WWC2: variants seen among roughly 807,000 people sequenced by gnomAD.
WWC2 encodes protein WWC2.
WWC2 carries 101 observed loss-of-function variants against 138.5 expected under a neutral mutation model. That is an observed-to-expected ratio of 0.73 (90% confidence interval 0.62 to 0.86). The LOEUF is 0.86. Ranked by LOEUF, WWC2 falls within the 40% of genes least tolerant of loss-of-function variation. The pLI is 0.00. For missense variants in WWC2, 1,420 were observed against 1,419.4 expected, an observed-to-expected ratio of 1.00 and a Z score of -0.01; for synonymous variants, 558 against 538.4, an observed-to-expected ratio of 1.04 and a Z score of -0.50.
intron 1 of WWC2, among the ~76,000 whole-genome samples, chr4:183,155,764 T>C (rs1017126418): frequency 1.3e-5 from 2 of 152,186 alleles, no homozygotes; most frequent in African/African-American, 4.8e-5. Context: ...TCCTTTTCTG[T>C]ACGTGAGTGC....
Position 183,265,896 on chromosome 4 carries a change from A to G in WWC2, c.2152A>G (p.Ile718Val), listed in dbSNP as rs1375865071. Residue 718 changes from isoleucine (I) to valine (V), a missense_variant, in exon 14 of 23, where the codon ATT (isoleucine) becomes GTT (valine). Ile to Val is a conservative substitution (Grantham distance 29, BLOSUM62 3). Coordinates refer to ENST00000403733, the MANE Select transcript of WWC2 (RefSeq NM_024949.6). ...YNAKSSSFMVIIAQLRNLHAF... is the reference protein window; with the variant it reads ...YNAKSSSFMVVIAQLRNLHAF... ...TGCAAAAAGTTCAAGTTTCATGGTG[A>G]TTATAGCACAGCTCCGAAACCTTCA... 3 of 1,613,354 alleles carry G rather than the reference A, an allele frequency of 1.9e-6. No individual in the cohort carries two copies. The highest frequency in any genetic ancestry group is 2.5e-6 in the Non-Finnish European group (3 of 1,179,728).
intron 4 of WWC2, among the ~76,000 whole-genome samples, chr4:183,218,197 G>A (rs1266966235): frequency 6.6e-6 from 1 of 152,106 alleles, no homozygotes; most frequent in Non-Finnish European, 1.5e-5. Context: ...GTATAAAAAT[G>A]GGCAAGAGAC....
At chr4:183,150,962 A>G (rs1459466707) in intron 1 of WWC2, among the ~76,000 whole-genome samples, 1 of 152,136 alleles carries the variant, frequency 6.6e-6, no homozygotes, top group Non-Finnish European at 1.5e-5. Context: ...GGTTGGTTCC[A>G]AGTCTTTGCT....
At chr4:183,197,770 A>G (rs1735183201) in intron 2 of WWC2, among the ~76,000 whole-genome samples, 2 of 152,304 alleles carry the variant, frequency 1.3e-5, no homozygotes, top group East Asian at 1.9e-4. Context: ...TTTCATTTAC[A>G]TACACAAAAA....
At chr4:183,308,929 A>T (rs565765339) in intron 21 of WWC2, among the ~76,000 whole-genome samples, 5 of 152,218 alleles carry the variant, frequency 3.3e-5, no homozygotes, top group Admixed American at 6.5e-5. Flanking sequence ...CAGAGGGCTG[A>T]CTATATTCAA....
chr4:183,269,571 C>T lies in WWC2; in HGVS notation c.2400+408C>T, dbSNP rs1411157115. On this transcript the variant is annotated intron_variant, in intron 15 of 22. Coordinates refer to ENST00000403733, the MANE Select transcript of WWC2 (RefSeq NM_024949.6). ...GATTGGTTATGAAATGGATGATTATCCACTATTTTCAGATAAGGAGCTGCT... is the reference window on the plus strand; with the variant it reads ...GATTGGTTATGAAATGGATGATTATTCACTATTTTCAGATAAGGAGCTGCT... 15 of 464,628 alleles carry T rather than the reference C, an allele frequency of 3.2e-5. No homozygotes were observed. The Admixed American group carries it at 3.6e-4, about 11-fold the overall frequency. 28.8% of individuals were successfully genotyped at this position (464,628 alleles called of 1,614,324 possible).
chr4:183,259,551 T>A (rs976299906), intron 9 of WWC2, 88 bp from the exon 10 acceptor site: 22 of 1,037,366 alleles, frequency 2.1e-5, no homozygotes, highest in Admixed American at 2.8e-5. Context: ...CCTTGTGATC[T>A]GTAATGTTTG....
intron 9 of WWC2, among the ~76,000 whole-genome samples, chr4:183,256,411 G>A (rs1259307039): frequency 2.0e-5 from 3 of 152,102 alleles, no homozygotes; most frequent in Non-Finnish European, 4.4e-5. Context: ...TTTTGCTGTT[G>A]CTATTATGGT....
chr4:183,240,409 G>A (rs911712190), intron 5 of WWC2, 147 bp downstream of exon 5: 2 of 537,796 alleles, frequency 3.7e-6, no homozygotes, highest in Non-Finnish European at 6.2e-6. Flanking sequence ...AGAAAATAAA[G>A]CAATCAACCA....
At chr4:183,248,597 A>G (rs1736869901) in intron 6 of WWC2, 117 bp from the exon 7 acceptor site, 3 of 1,105,760 alleles carry the variant, frequency 2.7e-6, no homozygotes, top group Non-Finnish European at 3.7e-6. Flanking sequence ...AGTACCTACT[A>G]AAATAAAGTT....
At chr4:183,162,800 G>A (rs1733999387) in intron 1 of WWC2, among the ~76,000 whole-genome samples, 1 of 152,062 alleles carries the variant, frequency 6.6e-6, no homozygotes, top group African/African-American at 2.4e-5. Context: ...GTTAATCTAG[G>A]TTAGTGGTTA....
chr4:183,249,815 A>G (rs1220822538), intron 7 of WWC2, 105 bp from the exon 8 acceptor site: 8 of 885,506 alleles, frequency 9.0e-6, no homozygotes, highest in African/African-American at 5.1e-5. Context: ...TTTCAGTACC[A>G]TCTTCTTTAA....
intron 21 of WWC2, among the ~76,000 whole-genome samples, chr4:183,290,439 C>T (rs906278527): frequency 6.6e-6 from 1 of 151,272 alleles, no homozygotes; most frequent in Non-Finnish European, 1.5e-5. Flanking sequence ...ATTTCTTAAA[C>T]GTGGGAGGTG....
rs776324290 is a variant in WWC2, at chr4:183,261,545, CTTTGCTTTCATG to C, written c.1909+15_1909+26del. The C allele has an allele frequency of 6.2e-7, 1 of 1,601,808 alleles. No homozygotes were observed. Among genetic ancestry groups the C allele is most frequent in the East Asian group, 2.2e-5 (1 of 44,758 alleles). On this transcript the variant is annotated intron_variant, in intron 11 of 22. Coordinates refer to ENST00000403733, the MANE Select transcript of WWC2 (RefSeq NM_024949.6). The stretch of plus-strand genomic sequence containing the variant: ...GAAGGAACTGCAGGTAAATGCAGCC[CTTTGCTTTCATG>C]TATTCCCTGTTAGTGATTTTAAGGA...
At chr4:183,175,160 T>TA (rs1174665338) in intron 1 of WWC2, among the ~76,000 whole-genome samples, 1 of 152,180 alleles carries the variant, frequency 6.6e-6, no homozygotes, top group Non-Finnish European at 1.5e-5. Context: ...TATGGAAAAT[T>TA]AAAAAAATAG....
rs753205251 is a variant in WWC2, at chr4:183,312,461, T to C, written c.3505T>C (p.Ser1169Pro). Residue 1169 changes from serine (S) to proline (P), a missense_variant, in exon 22 of 23, where the codon TCC (serine) becomes CCC (proline). By Grantham distance (74) the Ser-to-Pro change is moderately conservative (BLOSUM62 -1). Transcript: ENST00000403733. ...QSQKVPRQVQ[S>P]FREKIAYFTR... ...CCAGAAGGTGCCTCGGCAGGTGCAG[T>C]CCTTCAGGTGAATAGCCCCATCCAG... 6.2e-7 allele frequency: 1 copy of C among 1,613,622 alleles called. No individual in the cohort carries two copies. Among genetic ancestry groups the C allele is most frequent in the East Asian group, 2.2e-5 (1 of 44,866 alleles).
At chr4:183,155,217 A>AGC in intron 1 of WWC2, among the ~76,000 whole-genome samples, 1 of 130,578 alleles carries the variant, frequency 7.7e-6, no homozygotes, top group South Asian at 3.1e-4. Flanking sequence ...AGAGAGAGAG[A>AGC]GAGAGAGTTA....
rs764605101 is a variant in WWC2, at chr4:183,240,244, G to C, written c.584G>C (p.Gly195Ala). 51 of 1,552,200 alleles carry C rather than the reference G, an allele frequency of 3.3e-5. No individual in the cohort carries two copies. The highest frequency in any genetic ancestry group is 1.4e-5 in the African/African-American group (1 of 73,084). The change falls in exon 5 of 23, where the codon GGC becomes GCC. Residue 195 changes from glycine to alanine, a missense_variant. Coordinates refer to ENST00000403733, the MANE Select transcript of WWC2 (RefSeq NM_024949.6). ...MKQELLYKEQ[G>A]FETLQQIDKK... ...CAGGAACTGCTCTATAAAGAACAAG[G>C]CTTTGAAACATTGCAGCAGTGAGTA...
chr4:183,213,327 C>T (rs1425592821), intron 4 of WWC2, among the ~76,000 whole-genome samples: 1 of 152,182 alleles, frequency 6.6e-6, no homozygotes, highest in African/African-American at 2.4e-5. Flanking sequence ...TCTTGGTTTG[C>T]GTACTCTGTT....
Sources: allele counts gnomAD v4.1 joint callset (sites outside exome capture counted in the v4.1 genomes callset), GRCh38; gene constraint gnomAD v4.1.1; transcripts MANE v1.5; gene names NCBI Gene and HGNC (gene_info 2026-07-23, HGNC 2026-07-21).